Variants in CFAP47 observed in about 807,000 individuals in gnomAD.
CFAP47 encodes the protein cilia and flagella associated protein 47.
In CFAP47, 29 loss-of-function variants were observed where a neutral mutation model predicts 148.1. The observed-to-expected ratio is 0.20, with a 90% CI of 0.15 to 0.27. The LOEUF (loss-of-function observed/expected upper bound fraction) is 0.27, where lower values mean the gene tolerates loss of function less well. CFAP47 is among the 10% of genes least tolerant of loss of function. The probability of loss-of-function intolerance (pLI) is 1.00; values close to 1 mark genes in which losing one functional copy is unlikely to be tolerated. For synonymous variants in CFAP47, 664 were observed against 577.3 expected, an observed-to-expected ratio of 1.15 and a Z score of -2.15; for missense variants, 1,872 against 1,697.5, an observed-to-expected ratio of 1.10 and a Z score of -1.81.
chrX:35,921,916 G>T (rs768011714), intron 1 of CFAP47, among the ~76,000 whole-genome samples: 7 of 111,735 alleles, frequency 6.3e-5, no homozygotes, highest in Admixed American at 3.8e-4. Context: ...TCAAGAACCT[G>T]CATTGACCCT....
At chrX:36,087,255 A>T (rs1938104923) in intron 30 of CFAP47, among the ~76,000 whole-genome samples, 1 of 112,336 alleles carries the variant, frequency 8.9e-6, no homozygotes, top group African/African-American at 3.2e-5. Context: ...AAAGTAAAAA[A>T]ACCTGAAGTT....
At chrX:36,376,077 G>A (rs1162811539) in intron 62 of CFAP47, among the ~76,000 whole-genome samples, 1 of 111,729 alleles carries the variant, frequency 9.0e-6, no homozygotes, top group East Asian at 2.8e-4. Flanking sequence ...CTTCTGTGGA[G>A]GCAGAGGCCA....
chrX:36,072,031 A>C, intron 28 of CFAP47, 60 bp downstream of exon 28: 1 of 883,897 alleles, frequency 1.1e-6, no homozygotes, highest in Non-Finnish European at 1.6e-6. Context: ...TCTCCTTAAT[A>C]TCACTTAATT....
chrX:36,027,869 T>C (rs1374273177), intron 22 of CFAP47, among the ~76,000 whole-genome samples: 1 of 111,850 alleles, frequency 8.9e-6, no homozygotes, highest in Non-Finnish European at 1.9e-5. Context: ...TGTAAGATAG[T>C]ATCTCATTGT....
chrX:35,960,409 G>GAAAAAAAAAAAAAAAA (rs1936313788), intron 8 of CFAP47, among the ~76,000 whole-genome samples: 2 of 69,692 alleles, frequency 2.9e-5, no homozygotes, highest in African/African-American at 1.8e-4. Context: ...AAAAAAAAAG[G>GAAAAAAAAAAAAAAAA]ACAGCTGGAA....
intron 8 of CFAP47, among the ~76,000 whole-genome samples, 189 bp downstream of exon 8, chrX:35,956,385 C>T (rs1238190295): frequency 3.6e-5 from 4 of 111,851 alleles, no homozygotes; most frequent in African/African-American, 1.3e-4. Context: ...AAGTGCCTGT[C>T]ATGTGCCAGT....
intron 22 of CFAP47, among the ~76,000 whole-genome samples, chrX:36,027,067 T>C (rs1193278777): frequency 1.9e-5 from 2 of 105,064 alleles, no homozygotes; most frequent in East Asian, 5.8e-4. Flanking sequence ...ACTGGTGACT[T>C]TCATGTGAAT....
At chrX:35,954,407 C>T (rs189044417) in intron 7 of CFAP47, among the ~76,000 whole-genome samples, 145 of 111,005 alleles carry the variant, frequency 1.3e-3, no homozygotes, top group African/African-American at 4.2e-3. Context: ...TTATGCAAAT[C>T]GAGTGTGTCA....
At chrX:36,141,979 C>T (rs1232119258) in intron 35 of CFAP47, among the ~76,000 whole-genome samples, 2 of 110,264 alleles carry the variant, frequency 1.8e-5, no homozygotes, top group South Asian at 3.8e-4. Flanking sequence ...TATCATTGAC[C>T]GGAATTGAAT....
chrX:36,179,323 A>G, intron 39 of CFAP47, 22 bp from the exon 40 acceptor site: 1 of 295,950 alleles, frequency 3.4e-6, no homozygotes, highest in East Asian at 4.8e-5. Flanking sequence ...ATTAAAAATA[A>G]TTATTTCTTC....
chrX:36,036,891 G>T (rs994122527), intron 24 of CFAP47, among the ~76,000 whole-genome samples: 1 of 111,650 alleles, frequency 9.0e-6, no homozygotes, highest in Admixed American at 9.5e-5. Context: ...CTATTAGCAT[G>T]GCATTGTATA....
At position 35,949,140 on chromosome X, in the gene CFAP47, AGTGTGT is replaced by A. The variant is rs201452327; in HGVS notation, c.656+717_656+722del. On this transcript the variant is annotated intron_variant, in intron 4 of 63. Transcript: ENST00000378653. ...TAAAAATATCAGAATGCATCTGTGG[AGTGTGT>A]GTGTGTGTGTGTGTGTGTGTGTGTG... 2.9e-3 allele frequency among the ~76,000 whole-genome samples: 251 copies of A among 86,955 alleles called. 1 individual carries two copies. The highest frequency in any genetic ancestry group is 0.017 in the Middle Eastern group (2 of 117). The allele number at this position is 86,955 out of a possible 115,157, so 75.5% of individuals were successfully genotyped here.
At chrX:36,335,306 T>C (rs1941596165) in intron 57 of CFAP47, among the ~76,000 whole-genome samples, 1 of 111,187 alleles carries the variant, frequency 9.0e-6, no homozygotes, top group South Asian at 3.8e-4. Flanking sequence ...CCAACCTTTT[T>C]AGAAAATGCA....
At chrX:36,149,608 A>AT (rs201309354) in intron 37 of CFAP47, among the ~76,000 whole-genome samples, 7,833 of 65,782 alleles carry the variant, frequency 0.12, 864 homozygotes, top group African/African-American at 0.45. Flanking sequence ...TTATTTATTT[A>AT]TTTATTTTAT....
At chrX:36,010,016 G>A (rs1326351679) in intron 21 of CFAP47, among the ~76,000 whole-genome samples, 1 of 110,683 alleles carries the variant, frequency 9.0e-6, no homozygotes, top group African/African-American at 3.3e-5. Context: ...GTTTACCAAG[G>A]TACCATGGAA....
rs748173415 is a variant in CFAP47 at position 36,073,216 on chromosome X, G to A, written c.4543G>A (p.Glu1515Lys). 1 of 1,210,058 alleles carries A rather than the reference G, an allele frequency of 8.3e-7. No individual in the cohort carries two copies. Among genetic ancestry groups the A allele is most frequent in the Admixed American group, 2.2e-5 (1 of 45,938 alleles). Residue 1515 changes from glutamate to lysine, a missense_variant, in exon 29 of 64, where the codon GAA becomes AAA. Transcript: ENST00000378653. ...GGAAGATCATGGGTCTCTGGAAAAGGAAAAATATGAACAATTCCTTTCTCT... is the reference window on the plus strand; with the variant it reads ...GGAAGATCATGGGTCTCTGGAAAAGAAAAAATATGAACAATTCCTTTCTCT... Reference protein sequence around the residue: ...SEEDHGSLEKEKYEQFLSLEE... With the variant: ...SEEDHGSLEKKKYEQFLSLEE...
chrX:36,250,701 G>A lies in CFAP47; in HGVS notation c.7333-632G>A, dbSNP rs186970965. Among the ~76,000 whole-genome samples, 22 of 109,791 alleles carry A rather than the reference G, an allele frequency of 2.0e-4. No individual in the cohort carries two copies. In the East Asian group the frequency reaches 6.0e-3, roughly 30 times the overall value. The stretch of plus-strand genomic sequence containing the variant: ...ATATACAATTTCTCATCCATTAAAA[G>A]TATGAAAAAGTTTTTAAAAGTATGC... On this transcript the variant is annotated intron_variant, in intron 48 of 63. Transcript: ENST00000378653.
At chrX:36,295,044 A>T (rs1310638862) in intron 51 of CFAP47, among the ~76,000 whole-genome samples, 1 of 111,919 alleles carries the variant, frequency 8.9e-6, no homozygotes, top group Non-Finnish European at 1.9e-5. Flanking sequence ...AATGGAAGCA[A>T]TTTCTTTAAA....
At chrX:36,129,651 C>A (rs1938909163) in intron 33 of CFAP47, among the ~76,000 whole-genome samples, 1 of 111,137 alleles carries the variant, frequency 9.0e-6, no homozygotes, top group Non-Finnish European at 1.9e-5. Flanking sequence ...ACATGGAAAT[C>A]TGAAATTACT....
Sources: gnomAD v4.1 joint callset for allele counts (sites outside exome capture counted in the v4.1 genomes callset) on GRCh38, gnomAD v4.1.1 for gene constraint, MANE v1.5 for transcripts, NCBI Gene and HGNC (gene_info 2026-07-23, HGNC 2026-07-21) for gene names.